The following AK7 variants were observed in gnomAD, a reference collection of about 807,000 sequenced individuals.
AK7 encodes the protein ATP-AMP transphosphorylase 7.
In AK7, 78 loss-of-function variants were observed where a neutral mutation model predicts 96.6. The ratio of observed to expected loss-of-function variants is 0.81; its 90% CI spans 0.67 to 0.97. AK7 has a LOEUF of 0.97. Ranked by LOEUF, AK7 falls within the 50% of genes least tolerant of loss-of-function variation. AK7 has a pLI of 0.00. For synonymous variants in AK7, 302 were observed against 317.2 expected (o/e 0.95, Z 0.51); for missense variants, 855 against 887.9 (o/e 0.96, Z 0.47).
At chr14:96,404,991 G>A in intron 3 of AK7, 126 bp downstream of exon 3, 1 of 485,200 alleles carries the variant, frequency 2.1e-6, no homozygotes, top group East Asian at 3.0e-5. Context: ...CTTACCTAAA[G>A]TATGAAATCC....
intron 12 of AK7, among the ~76,000 whole-genome samples, chr14:96,468,844 T>A (rs957697196): frequency 4.6e-5 from 7 of 152,108 alleles, no homozygotes; most frequent in African/African-American, 1.7e-4. Flanking sequence ...TTTTTTTTTT[T>A]AGAAAAAGCA....
intron 1 of AK7, among the ~76,000 whole-genome samples, chr14:96,394,589 C>T (rs1889947860): frequency 6.6e-6 from 1 of 152,226 alleles, no homozygotes; most frequent in African/African-American, 2.4e-5. Flanking sequence ...AGGGCCAGGT[C>T]ATGGATGGCC....
intron 17 of AK7, chr14:96,487,962 G>T (rs1255807413): frequency 2.6e-6 from 1 of 386,842 alleles, no homozygotes; most frequent in South Asian, 2.0e-5. Context: ...GCTCAGGTTG[G>T]AATGCAATGG....
intron 3 of AK7, among the ~76,000 whole-genome samples, chr14:96,407,580 C>CTTTTTTTTTT (rs11364736): frequency 3.3e-5 from 2 of 60,308 alleles, no homozygotes; most frequent in African/African-American, 4.8e-5. Flanking sequence ...TCTTTCTTTT[C>CTTTTTTTTTT]TTTTTTTTTT....
intron 5 of AK7, among the ~76,000 whole-genome samples, chr14:96,430,578 C>T (rs1419298350): frequency 7.2e-5 from 11 of 152,058 alleles, no homozygotes; most frequent in Non-Finnish European, 1.2e-4. Context: ...TGATGGATTA[C>T]GTTTATTGAT....
intron 5 of AK7, among the ~76,000 whole-genome samples, chr14:96,430,864 G>T (rs963500731): frequency 3.9e-5 from 6 of 152,066 alleles, no homozygotes; most frequent in African/African-American, 1.4e-4. Flanking sequence ...GCTCCTCTTT[G>T]TACCTCTGGT....
intron 5 of AK7, among the ~76,000 whole-genome samples, chr14:96,426,193 GT>G (rs1871340429): frequency 6.6e-6 from 1 of 151,914 alleles, no homozygotes; most frequent in South Asian, 2.1e-4. Flanking sequence ...AAGTTTTTTA[GT>G]TTGAGGTTAC....
chr14:96,396,811 T>G (rs1890107316), intron 1 of AK7, among the ~76,000 whole-genome samples: 1 of 152,232 alleles, frequency 6.6e-6, no homozygotes, highest in African/African-American at 2.4e-5. Flanking sequence ...TTCGCCAACT[T>G]CTTTCTATTT....
chr14:96,457,990 C>A (rs1894027451), intron 11 of AK7, 93 bp from the exon 12 acceptor site: 1 of 1,550,140 alleles, frequency 6.5e-7, no homozygotes, highest in East Asian at 2.3e-5. Context: ...CTATTTGGAT[C>A]CCAAGCTTTT....
At chr14:96,393,511 C>A (rs947071373) in intron 1 of AK7, among the ~76,000 whole-genome samples, 8 of 152,196 alleles carry the variant, frequency 5.3e-5, no homozygotes, top group African/African-American at 1.9e-4. Flanking sequence ...AGAACTGTTG[C>A]TTGCCCCTCT....
chr14:96,478,212 G>C (rs1261282319), intron 14 of AK7, among the ~76,000 whole-genome samples: 1 of 144,526 alleles, frequency 6.9e-6, no homozygotes, highest in Non-Finnish European at 1.5e-5. Flanking sequence ...AGGAAGGAAG[G>C]AAGAGAGGGA....
At chr14:96,475,673 CT>C (rs1566810041) in intron 14 of AK7, among the ~76,000 whole-genome samples, 2 of 152,142 alleles carry the variant, frequency 1.3e-5, no homozygotes, top group African/African-American at 2.4e-5. Context: ...TAAGGCCCCC[CT>C]GAAGATGTCA....
At chr14:96,409,664 T>C (rs1383003220) in intron 4 of AK7, among the ~76,000 whole-genome samples, 1 of 152,206 alleles carries the variant, frequency 6.6e-6, no homozygotes, top group Non-Finnish European at 1.5e-5. Flanking sequence ...CATCTCTGAA[T>C]CACACCACAT....
intron 10 of AK7, among the ~76,000 whole-genome samples, chr14:96,456,131 CGGGAGGCTGAG>C (rs1893883932): frequency 6.6e-6 from 1 of 150,474 alleles, no homozygotes; most frequent in Admixed American, 6.7e-5. Context: ...CTCAGCTACT[CGGGAGGCTGAG>C]GCAGAGAATC....
rs201349446 is a variant in AK7 at position 96,451,543 on chromosome 14, G to A, written c.1071G>A (p.Lys357=). ...GFVENINTIL[K]EYKQSRGLMP... is the part of the protein sequence containing the mutation. ...TGGAAAATATCAACACTATCCTCAA[G>A]GAGTACAAGCAAAGCAGAGGATTGA... Residue 357 remains lysine (K), a synonymous_variant, in exon 10 of 18, where the codon AAG becomes AAA. Transcript: ENST00000267584. 2.6e-4 allele frequency: 411 copies of A among 1,576,372 alleles called. 6 individuals carry two copies. The South Asian group carries it at 4.5e-3, about 17-fold the overall frequency.
intron 8 of AK7, 127 bp downstream of exon 8, chr14:96,446,734 A>G (rs574347509): frequency 1.4e-6 from 1 of 697,262 alleles, no homozygotes; most frequent in African/African-American, 1.8e-5. Flanking sequence ...TGAGGTCAGG[A>G]GCTCAAGACC....
rs1198091293 is a variant in AK7, at chr14:96,399,864, C to T, written c.294+1601C>T. 6.6e-6 allele frequency among the ~76,000 whole-genome samples: 1 copy of T among 152,024 alleles called. No individual in the cohort carries two copies. Among genetic ancestry groups the T allele is most frequent in the East Asian group, 1.9e-4 (1 of 5,196 alleles). ...CCTACAACAGATGACCTTCCTAAAT[C>T]TTATCCAACCCTATAGCTTCAGCTC... On this transcript the variant is annotated intron_variant, in intron 2 of 17. Coordinates refer to ENST00000267584, the MANE Select transcript of AK7 (RefSeq NM_152327.5). The surrounding 1 kb of genome is among the most constrained non-coding windows in gnomAD (Gnocchi z 4.1).
At chr14:96,438,252 G>T (rs1298473425) in intron 6 of AK7, among the ~76,000 whole-genome samples, 1 of 152,198 alleles carries the variant, frequency 6.6e-6, no homozygotes, top group African/African-American at 2.4e-5. Context: ...CTAGGGGGAT[G>T]GAGAAAGAGA....
chr14:96,466,481 G>T (rs1472112762), intron 12 of AK7, among the ~76,000 whole-genome samples: 2 of 151,834 alleles, frequency 1.3e-5, no homozygotes, highest in Non-Finnish European at 2.9e-5. Flanking sequence ...CTCATGATCC[G>T]CCTGCCTCAG....
Sources: gnomAD v4.1 joint callset for allele counts (sites outside exome capture counted in the v4.1 genomes callset) on GRCh38, gnomAD v4.1.1 for gene constraint, Gnocchi (gnomAD v3.1) non-coding constraint, MANE v1.5 for transcripts, NCBI Gene and HGNC (gene_info 2026-07-23, HGNC 2026-07-21) for gene names.